FAT4: variants seen among roughly 807,000 people sequenced by gnomAD.
FAT4 encodes the protein protocadherin Fat 4.
A neutral mutation model predicts 303.9 loss-of-function variants in FAT4; 84 were observed. The observed-to-expected ratio is 0.28, with a 90% CI of 0.23 to 0.33. FAT4 has a LOEUF of 0.33. Among genes scored for constraint, FAT4 ranks in the 10% least tolerant of loss-of-function variants. The pLI, the probability that FAT4 is intolerant of heterozygous loss-of-function variation, is 1.00. For missense variants in FAT4, 6,005 were observed against 6,146.8 expected (o/e 0.98, Z 0.77); for synonymous variants, 2,307 against 2,298.8 (o/e 1.00, Z -0.10).
At chr4:125,416,887 A>G (rs1425740127) in intron 7 of FAT4, among the ~76,000 whole-genome samples, 1 of 151,202 alleles carries the variant, frequency 6.6e-6, no homozygotes, top group Non-Finnish European at 1.5e-5. Context: ...CGGAGGTTGC[A>G]GTGAGCCGAG....
rs761198719 is a variant in FAT4 at position 125,448,532 on chromosome 4, T to A, written c.7522T>A (p.Ser2508Thr). ...GPNSELHYSL[S>T]GRNSEKFHID... Reference sequence around the variant, plus strand: ...AAATTCTGAACTGCATTATTCTCTTTCGGGTAGAAATTCTGAAAAATTTCA... The same window carrying A: ...AAATTCTGAACTGCATTATTCTCTTACGGGTAGAAATTCTGAAAAATTTCA... The change falls in exon 10 of 18, where the codon TCG becomes ACG. Residue 2508 changes from serine (S) to threonine (T), a missense_variant. Coordinates refer to ENST00000394329, the MANE Select transcript of FAT4 (RefSeq NM_001291303.3). 6.2e-7 allele frequency: 1 copy of A among 1,613,902 alleles called. No homozygotes were observed. The highest frequency in any genetic ancestry group is 2.2e-5 in the East Asian group (1 of 44,880).
Position 125,452,060 on chromosome 4 carries a change from A to G in FAT4, c.11050A>G (p.Thr3684Ala). 2 of 1,614,110 alleles carry G rather than the reference A, an allele frequency of 1.2e-6. No individual in the cohort carries two copies. Among genetic ancestry groups the G allele is most frequent in the Non-Finnish European group, 1.7e-6 (2 of 1,180,024 alleles). ...GTCCACAGATGGCACGTTTGATCTGACTGTCCTTAGCAATGATGGAGTTCA... is the reference window on the plus strand; with the variant it reads ...GTCCACAGATGGCACGTTTGATCTGGCTGTCCTTAGCAATGATGGAGTTCA... The part of the protein sequence containing the change: ...PRSTDGTFDL[T>A]VLSNDGVHST... The change falls in exon 10 of 18, where the codon ACT becomes GCT. Residue 3684 changes from threonine to alanine, a missense_variant. Physicochemically the swap from Thr to Ala is moderately conservative, Grantham distance 58. Transcript: ENST00000394329.
In FAT4 at chr4:125,490,911, C is replaced by T; in HGVS notation, c.14095C>T (p.Pro4699Ser). The T allele has an allele frequency of 1.2e-6, 2 of 1,614,174 alleles. No homozygotes were observed. The highest frequency in any genetic ancestry group is 1.7e-6 in the Non-Finnish European group (2 of 1,180,030). Residue 4699 changes from proline (P) to serine (S), a missense_variant, in exon 18 of 18, where the codon CCT (proline) becomes TCT (serine). By Grantham distance (74) the Pro-to-Ser change is moderately conservative. Coordinates refer to ENST00000394329, the MANE Select transcript of FAT4 (RefSeq NM_001291303.3). ...LSHSACPTPN[P>S]LSRHSPAPFS... ...CCACTCAGCATGCCCAACTCCCAAC[C>T]CTCTGTCTCGACACAGTCCAGCCCC...
chr4:125,375,296 A>G (rs1487047542), intron 2 of FAT4, among the ~76,000 whole-genome samples: 1 of 152,360 alleles, frequency 6.6e-6, no homozygotes, highest in Non-Finnish European at 1.5e-5. Flanking sequence ...TTAAAATTTA[A>G]TGTCATAACA....
chr4:125,370,155 C>T (rs982839588), intron 2 of FAT4, among the ~76,000 whole-genome samples: 3 of 151,724 alleles, frequency 2.0e-5, no homozygotes, highest in African/African-American at 7.3e-5. Context: ...TGTTCTGCCA[C>T]AACTAGGTAA....
chr4:125,409,880 A>G (rs1354366886), intron 5 of FAT4, among the ~76,000 whole-genome samples: 1 of 152,120 alleles, frequency 6.6e-6, no homozygotes, highest in East Asian at 1.9e-4. Flanking sequence ...TTGTCTCATC[A>G]ATATATAAAA....
Position 125,407,028 on chromosome 4 carries a change from G to T in FAT4, c.5456G>T (p.Gly1819Val). The T allele has an allele frequency of 1.2e-6, 2 of 1,613,780 alleles. No homozygotes were observed. The highest frequency in any genetic ancestry group is 1.7e-6 in the Non-Finnish European group (2 of 1,179,866). Residue 1819 changes from glycine to valine, a missense_variant, in exon 4 of 18, where the codon GGT becomes GTT. Gly to Val is a moderately radical substitution (Grantham distance 109, BLOSUM62 -3). Transcript: ENST00000394329. ...KYSLLVRADDGLQSSDMRINI... is the reference protein window; with the variant it reads ...KYSLLVRADDVLQSSDMRINI... The stretch of plus-strand genomic sequence containing the variant: ...TCACTGCTAGTTCGTGCTGATGATG[G>T]TCTTCAGTCCTCGGATATGAGAATT...
chr4:125,379,276 A>C (rs1733447911), intron 2 of FAT4, among the ~76,000 whole-genome samples: 3 of 151,612 alleles, frequency 2.0e-5, no homozygotes, highest in Admixed American at 2.0e-4. Context: ...TAGGAAGTAC[A>C]CTGAACTGAG....
chr4:125,451,209 C>A lies in FAT4; in HGVS notation c.10199C>A (p.Ala3400Glu). 1 of 1,614,132 alleles carries A rather than the reference C, an allele frequency of 6.2e-7. No homozygotes were observed. Among genetic ancestry groups the A allele is most frequent in the Non-Finnish European group, 8.5e-7 (1 of 1,180,016 alleles). The part of the protein sequence containing the change: ...EVTVNVTVLD[A>E]NDPPIFTLNI... The stretch of plus-strand genomic sequence containing the variant: ...ACTGTAAATGTCACCGTGCTTGATG[C>A]AAATGACCCACCCATTTTTACTCTA... Residue 3400 changes from alanine to glutamate, a missense_variant, in exon 10 of 18, where the codon GCA (alanine) becomes GAA (glutamate). Physicochemically the swap from Ala to Glu is moderately radical, Grantham distance 107. Coordinates refer to ENST00000394329, the MANE Select transcript of FAT4 (RefSeq NM_001291303.3).
intron 13 of FAT4, among the ~76,000 whole-genome samples, chr4:125,476,659 A>G (rs1727040951): frequency 6.6e-6 from 1 of 152,124 alleles, no homozygotes; most frequent in South Asian, 2.1e-4. Context: ...GCAGTAATCT[A>G]CCAGAAAATA....
intron 14 of FAT4, among the ~76,000 whole-genome samples, chr4:125,479,340 G>A (rs181061258): frequency 6.7e-4 from 102 of 152,180 alleles, no homozygotes; most frequent in Middle Eastern, 3.4e-3. Flanking sequence ...GCTTAGAACA[G>A]TGCTTAGCAT....
At chr4:125,356,012 A>G (rs895691165) in intron 2 of FAT4, among the ~76,000 whole-genome samples, 4 of 151,908 alleles carry the variant, frequency 2.6e-5, no homozygotes, top group African/African-American at 9.7e-5. Context: ...AGTGTATCAC[A>G]AGTATTTTCC....
At chr4:125,346,370 C>T (rs1732003889) in intron 2 of FAT4, among the ~76,000 whole-genome samples, 1 of 150,064 alleles carries the variant, frequency 6.7e-6, no homozygotes, top group Admixed American at 6.7e-5. Context: ...AAACTTGATT[C>T]TCTGAGAAAA....
intron 13 of FAT4, among the ~76,000 whole-genome samples, chr4:125,476,600 G>A (rs566250829): frequency 1.1e-4 from 16 of 152,234 alleles, no homozygotes; most frequent in African/African-American, 3.6e-4. Flanking sequence ...AAAAGTTTAC[G>A]TGAAAATTAT....
At chr4:125,456,152 G>T (rs1017234172) in intron 10 of FAT4, among the ~76,000 whole-genome samples, 4 of 152,266 alleles carry the variant, frequency 2.6e-5, no homozygotes, top group Non-Finnish European at 5.9e-5. Flanking sequence ...CAGACTTCCA[G>T]CCCTTGCAAT....
chr4:125,487,887 A>T (rs1727467640), intron 17 of FAT4, among the ~76,000 whole-genome samples: 1 of 152,174 alleles, frequency 6.6e-6, no homozygotes, highest in Non-Finnish European at 1.5e-5. Context: ...AATTCAGTCC[A>T]TAGTGTTTTG....
chr4:125,388,853 C>T (rs1733868115), intron 2 of FAT4, among the ~76,000 whole-genome samples: 1 of 152,152 alleles, frequency 6.6e-6, no homozygotes, highest in South Asian at 2.1e-4. Flanking sequence ...GTTATCCACG[C>T]TTCTAGCCAT....
At chr4:125,371,164 AAAG>A (rs573937927) in intron 2 of FAT4, among the ~76,000 whole-genome samples, 10 of 151,692 alleles carry the variant, frequency 6.6e-5, no homozygotes, top group Admixed American at 2.0e-4. Context: ...AAAAAAAAAA[AAAG>A]AAGAAGTTTA....
chr4:125,321,045 C>G lies in FAT4; in HGVS notation c.4634C>G (p.Ser1545Cys). ...GCAGACCCATCAGCTGTGATTGGTT[C>G]CGTTCTGACAACAATTATGGCTGCT... ...LAADPSAVIG[S>C]VLTTIMAADP... is the part of the protein sequence containing the mutation. Residue 1545 changes from serine (S) to cysteine (C), a missense_variant, in exon 2 of 18, where the codon TCC becomes TGC. Ser to Cys is a moderately radical substitution (Grantham distance 112). Coordinates refer to ENST00000394329, the MANE Select transcript of FAT4 (RefSeq NM_001291303.3). 1.2e-6 allele frequency: 2 copies of G among 1,614,154 alleles called. No homozygotes were observed. The highest frequency in any genetic ancestry group is 8.5e-7 in the Non-Finnish European group (1 of 1,180,012).
Sources: gnomAD v4.1 joint callset for allele counts (sites outside exome capture counted in the v4.1 genomes callset) on GRCh38, gnomAD v4.1.1 for gene constraint, MANE v1.5 for transcripts, NCBI Gene and HGNC (gene_info 2026-07-23, HGNC 2026-07-21) for gene names.